FMN1: variants seen among roughly 807,000 people sequenced by gnomAD.
FMN1 encodes the protein formin 1.
In FMN1, 110 loss-of-function variants were observed where a neutral mutation model predicts 132.4. The ratio of observed to expected loss-of-function variants is 0.83; its 90% CI spans 0.71 to 0.97. The LOEUF (loss-of-function observed/expected upper bound fraction) is 0.97, where lower values mean the gene tolerates loss of function less well. Ranked by LOEUF, FMN1 falls within the 50% of genes least tolerant of loss-of-function variation. The pLI is 0.00. For missense variants in FMN1, 1,792 were observed against 1,705.3 expected (o/e 1.05, Z -0.90); for synonymous variants, 722 against 651.7 (o/e 1.11, Z -1.64).
chr15:32,970,411 C>T (rs921369420), intron 7 of FMN1, among the ~76,000 whole-genome samples: 5 of 152,146 alleles, frequency 3.3e-5, no homozygotes, highest in African/African-American at 1.2e-4. Context: ...AGATTATAAA[C>T]TCCACAAGAT....
intron 6 of FMN1, among the ~76,000 whole-genome samples, chr15:33,031,312 G>A (rs1229290872): frequency 6.6e-6 from 1 of 152,172 alleles, no homozygotes; most frequent in African/African-American, 2.4e-5. Context: ...ATCAGGAGGA[G>A]CCAGCACTGT....
At chr15:32,930,255 G>C (rs1055178010) in intron 9 of FMN1, among the ~76,000 whole-genome samples, 1 of 151,956 alleles carries the variant, frequency 6.6e-6, no homozygotes, top group Non-Finnish European at 1.5e-5. Context: ...CCCAAATGCT[G>C]GGATTACAGG....
chr15:33,012,388 T>A, intron 6 of FMN1: 1 of 909,954 alleles, frequency 1.1e-6, no homozygotes, highest in Non-Finnish European at 1.8e-6. Context: ...GAGAGCTGTC[T>A]AAGAAGATTC....
In FMN1 at chr15:33,021,689, A is replaced by C. The variant is rs948159528; in HGVS notation, c.2162-13614T>G. On this transcript the variant is annotated intron_variant, in intron 6 of 20. Transcript: ENST00000616417. Reference sequence around the variant, plus strand: ...GAGACCATTTGATGGACACCTTACCATGGAGAAAACTGTCATTAAGTCCAA... The same window carrying C: ...GAGACCATTTGATGGACACCTTACCCTGGAGAAAACTGTCATTAAGTCCAA... Among the ~76,000 whole-genome samples the C allele has an allele frequency of 3.3e-5, 5 of 152,306 alleles. No individual in the cohort carries two copies. The South Asian group carries it at 1.0e-3, about 32-fold the overall frequency.
intron 17 of FMN1, among the ~76,000 whole-genome samples, chr15:32,846,797 T>C (rs1276714166): frequency 1.3e-5 from 2 of 152,170 alleles, no homozygotes; most frequent in East Asian, 1.9e-4. Context: ...TAGCAAAGAC[T>C]TGGAACCAAC....
intron 9 of FMN1, among the ~76,000 whole-genome samples, chr15:32,942,049 C>A (rs2061411782): frequency 6.6e-6 from 1 of 152,132 alleles, no homozygotes; most frequent in South Asian, 2.1e-4. Context: ...TTGCGTTAAA[C>A]CCTATTAGAC....
intron 17 of FMN1, among the ~76,000 whole-genome samples, chr15:32,817,818 A>G (rs940579849): frequency 1.3e-5 from 2 of 152,238 alleles, no homozygotes. Flanking sequence ...TCACCTTTCA[A>G]TCATAACTGT....
chr15:32,965,106 A>G (rs1055995858), intron 8 of FMN1, among the ~76,000 whole-genome samples: 1 of 152,114 alleles, frequency 6.6e-6, no homozygotes, highest in African/African-American at 2.4e-5. Flanking sequence ...AAACACTATT[A>G]ATGTTTACTG....
chr15:32,930,151 G>A (rs1345933755), intron 9 of FMN1, among the ~76,000 whole-genome samples: 4 of 151,582 alleles, frequency 2.6e-5, no homozygotes, highest in Admixed American at 1.3e-4. Context: ...CACCACGCCC[G>A]GCTAATTTTT....
At chr15:32,946,281 C>G (rs2061509557) in intron 9 of FMN1, among the ~76,000 whole-genome samples, 2 of 152,082 alleles carry the variant, frequency 1.3e-5, no homozygotes, top group Non-Finnish European at 2.9e-5. Context: ...AGGTGAATGG[C>G]ATAACATAGT....
intron 6 of FMN1, among the ~76,000 whole-genome samples, chr15:33,019,672 G>T (rs905074099): frequency 6.6e-6 from 1 of 152,206 alleles, no homozygotes. Flanking sequence ...AGCACCAGTG[G>T]GCCAGCACTG....
chr15:33,109,332 A>G (rs961986989), intron 4 of FMN1, among the ~76,000 whole-genome samples: 10 of 152,080 alleles, frequency 6.6e-5, no homozygotes, highest in African/African-American at 2.4e-4. Flanking sequence ...AAAATAAACA[A>G]CCAATGAGTA....
intron 6 of FMN1, among the ~76,000 whole-genome samples, chr15:33,019,342 C>A (rs189485677): frequency 2.2e-3 from 338 of 152,274 alleles, no homozygotes; most frequent in African/African-American, 7.8e-3. Context: ...ATACAGAGTG[C>A]CAATTGGTGC....
chr15:33,031,310 G>C (rs564416259), intron 6 of FMN1, among the ~76,000 whole-genome samples: 1 of 152,158 alleles, frequency 6.6e-6, no homozygotes, highest in African/African-American at 2.4e-5. Flanking sequence ...CCATCAGGAG[G>C]AGCCAGCACT....
At chr15:33,031,104 A>G (rs1011936339) in intron 6 of FMN1, among the ~76,000 whole-genome samples, 44 of 152,146 alleles carry the variant, frequency 2.9e-4, no homozygotes, top group African/African-American at 1.0e-3. Flanking sequence ...TAGAAGTAAA[A>G]AAGATCAAGG....
chr15:32,839,038 T>C (rs1258764), intron 17 of FMN1, among the ~76,000 whole-genome samples: 150,177 of 152,146 alleles, frequency 0.99, 74,148 homozygotes, highest in East Asian at 1. Context: ...GGACAAACAG[T>C]TCATTTCCCT....
chr15:32,901,738 C>T (rs184080468), intron 13 of FMN1, among the ~76,000 whole-genome samples, 173 bp downstream of exon 13: 1 of 152,058 alleles, frequency 6.6e-6, no homozygotes, highest in Non-Finnish European at 1.5e-5. Flanking sequence ...CTCCTTTTCT[C>T]TCCCTCTCTC....
intron 9 of FMN1, among the ~76,000 whole-genome samples, chr15:32,943,181 T>C (rs1274962023): frequency 6.6e-6 from 1 of 152,178 alleles, no homozygotes; most frequent in Non-Finnish European, 1.5e-5. Flanking sequence ...TAAGGGATAC[T>C]CGACCTGTAT....
intron 9 of FMN1, among the ~76,000 whole-genome samples, chr15:32,949,327 A>G (rs2061574224): frequency 6.6e-6 from 1 of 152,158 alleles, no homozygotes; most frequent in Non-Finnish European, 1.5e-5. Flanking sequence ...AGAGCATGGT[A>G]CTAATACAAG....
Sources: allele counts gnomAD v4.1 joint callset (sites outside exome capture counted in the v4.1 genomes callset), GRCh38; gene constraint gnomAD v4.1.1; transcripts MANE v1.5; gene names NCBI Gene and HGNC (gene_info 2026-07-23, HGNC 2026-07-21).